Variants in RHBDF1 observed in about 807,000 individuals in gnomAD.
The protein encoded by RHBDF1 is inactive rhomboid protein 1.
A neutral mutation model predicts 98.6 loss-of-function variants in RHBDF1; 80 were observed. That is an observed-to-expected ratio of 0.81 (90% CI 0.68 to 0.98). The LOEUF (loss-of-function observed/expected upper bound fraction) is 0.98. RHBDF1 is among the 50% of genes least tolerant of loss of function. The probability of loss-of-function intolerance (pLI) is 0.00; values close to 1 mark genes in which losing one functional copy is unlikely to be tolerated. For missense variants in RHBDF1, 1,116 were observed against 1,198.3 expected, an observed-to-expected ratio of 0.93 and a Z score of 1.01; for synonymous variants, 512 against 486.8, an observed-to-expected ratio of 1.05 and a Z score of -0.68.
At chr16:60,018 A>T (rs1897547664) in intron 13 of RHBDF1, 192 bp from the exon 14 acceptor site, 1 of 1,474,788 alleles carries the variant, frequency 6.8e-7, no homozygotes, top group Non-Finnish European at 9.0e-7. Context: ...TCAAGTCTCC[A>T]TCTAGTTCTC....
intron 13 of RHBDF1, 36 bp from the exon 14 acceptor site, chr16:59,862 TCCCCCAA>T: frequency 1.2e-6 from 2 of 1,613,470 alleles, no homozygotes; most frequent in Non-Finnish European, 1.7e-6. Context: ...AGTCAGGGCC[TCCCCCAA>T]CCTTTGGCCC....
At position 72,603 on chromosome 16, in the gene RHBDF1, G is replaced by GCCCGCCGGTCCGGCCCA; in HGVS notation, c.-116_-115insTGGGCCGGACCGGCGGG. On this transcript the variant is annotated 5_prime_UTR_variant, in exon 1 of 18. Transcript: ENST00000262316. The stretch of plus-strand genomic sequence containing the variant: ...GAGGGCCCGCGCCGAGTCCCCGCCC[G>GCCCGCCGGTCCGGCCCA]CCCGCCGGTCCGGCCCGCCCGGGAA... The GCCCGCCGGTCCGGCCCA allele has an allele frequency of 1.0e-6, 1 of 977,240 alleles. No individual in the cohort carries two copies. Among genetic ancestry groups the GCCCGCCGGTCCGGCCCA allele is most frequent in the Non-Finnish European group, 1.2e-6 (1 of 824,952 alleles). 60.5% of individuals were successfully genotyped at this position (977,240 alleles called of 1,614,324 possible).
Position 63,617 on chromosome 16 carries a change from G to C in RHBDF1, c.432C>G (p.Tyr144Ter). ...GCATGCCCAGCTGGCATGGCCCCAC[G>C]TAGAGTGGGGGTGGCGTCTCGGTGC... ...LTSTETPPPL[Y>*]VGPCQLGMQK... The change falls in exon 4 of 18, where the codon TAC (tyrosine) becomes TAG (stop). Residue 144 changes from tyrosine (Y) to a stop codon, truncating the protein, a stop_gained. Coordinates refer to ENST00000262316, the MANE Select transcript of RHBDF1 (RefSeq NM_022450.5). LOFTEE classifies it high-confidence loss of function. 6.3e-7 allele frequency: 1 copy of C among 1,582,358 alleles called. No individual in the cohort carries two copies. The highest frequency in any genetic ancestry group is 8.6e-7 in the Non-Finnish European group (1 of 1,164,212).
chr16:68,835 G>C (rs1041094416), intron 1 of RHBDF1, among the ~76,000 whole-genome samples: 16 of 152,204 alleles, frequency 1.1e-4, no homozygotes, highest in African/African-American at 3.9e-4. Flanking sequence ...GGGGATGTCT[G>C]GGCACCCATC....
At chr16:66,022 T>C (rs928922788) in intron 1 of RHBDF1, among the ~76,000 whole-genome samples, 1 of 152,208 alleles carries the variant, frequency 6.6e-6, no homozygotes, top group Admixed American at 6.5e-5. Flanking sequence ...GCCATATGAC[T>C]ACGACTCCAT....
chr16:67,362 G>T (rs1354910427), intron 1 of RHBDF1, among the ~76,000 whole-genome samples: 1 of 152,224 alleles, frequency 6.6e-6, no homozygotes, highest in Non-Finnish European at 1.5e-5. Context: ...CCAGGAATCA[G>T]CAGGCTGAAT....
upstream of RHBDF1, among the ~76,000 whole-genome samples, chr16:73,365 C>T (rs2858052): frequency 0.033 from 4,963 of 152,230 alleles, 246 homozygotes; most frequent in African/African-American, 0.11. Flanking sequence ...CGGCCCCACC[C>T]GAAGCCACTC....
chr16:64,292 T>G (rs1294468853), intron 3 of RHBDF1: 6 of 1,335,282 alleles, frequency 4.5e-6, no homozygotes, highest in Non-Finnish European at 4.0e-6. Flanking sequence ...GCCAAGCACA[T>G]GCCAGAAAAC....
At chr16:66,882 G>A (rs968786046) in intron 1 of RHBDF1, among the ~76,000 whole-genome samples, 3 of 152,198 alleles carry the variant, frequency 2.0e-5, no homozygotes, top group African/African-American at 7.2e-5. Context: ...GTGCAACAGG[G>A]TCGGACAGAA....
chr16:76,329 G>C (rs34584549), upstream of RHBDF1: 1 of 151,972 alleles, frequency 6.6e-6, no homozygotes, highest in African/African-American at 2.4e-5. Flanking sequence ...TCATCCCACC[G>C]CTTCCAGCCT....
rs1303357085 is a variant in RHBDF1 at position 62,875 on chromosome 16, G to A, written c.695C>T (p.Thr232Ile). Residue 232 changes from threonine (T) to isoleucine (I), a missense_variant, in exon 6 of 18, where the codon ACC (threonine) becomes ATC (isoleucine). Transcript: ENST00000262316. ...GCTTCGACGCTGTGCCCGGCGAAAG[G>A]TGCCATCCCTAACGGAGCGGCCCTG... is the stretch of plus-strand genomic sequence containing the variant. ...LMKGRSVRDG[T>I]FRRAQRRSFT... 5 of 1,613,908 alleles carry A rather than the reference G, an allele frequency of 3.1e-6. No homozygotes were observed. The highest frequency in any genetic ancestry group is 4.2e-6 in the Non-Finnish European group (5 of 1,179,974).
intron 14 of RHBDF1, 114 bp downstream of exon 14, chr16:59,618 A>G: frequency 6.7e-7 from 1 of 1,486,254 alleles, no homozygotes; most frequent in East Asian, 2.4e-5. Flanking sequence ...ACCCCCTCTA[A>G]CCCCACATCC....
chr16:65,000 T>C lies in RHBDF1; in HGVS notation c.16A>G (p.Arg6Gly). The C allele has an allele frequency of 6.5e-7, 1 of 1,527,456 alleles. No individual in the cohort carries two copies. Among genetic ancestry groups the C allele is most frequent in the Non-Finnish European group, 8.8e-7 (1 of 1,136,406 alleles). The allele number at this position is 1,527,456 out of a possible 1,614,324, so 94.6% of individuals were successfully genotyped here. Residue 6 changes from arginine to glycine, a missense_variant, in exon 2 of 18, where the codon AGG becomes GGG. Physicochemically the swap from Arg to Gly is moderately radical, Grantham distance 125. Coordinates refer to ENST00000262316, the MANE Select transcript of RHBDF1 (RefSeq NM_022450.5). MSEAR[R>G]DSTSSLQRKK... is the part of the protein sequence containing the mutation. Reference sequence around the variant, plus strand: ...CGCTGCAGGCTGCTCGTGCTGTCCCTGCGGGCCTCACTCATGGTTCCTGGC... The same window carrying C: ...CGCTGCAGGCTGCTCGTGCTGTCCCCGCGGGCCTCACTCATGGTTCCTGGC...
At chr16:71,001 G>A (rs1897953693) in intron 1 of RHBDF1, among the ~76,000 whole-genome samples, 1 of 152,252 alleles carries the variant, frequency 6.6e-6, no homozygotes, top group African/African-American at 2.4e-5. Flanking sequence ...TGGAGCCGGT[G>A]TGGCGGAGGC....
At position 63,223 on chromosome 16, in the gene RHBDF1, G is replaced by C. The variant is rs1035982121; in HGVS notation, c.463-41C>G. The C allele has an allele frequency of 2.0e-6, 3 of 1,481,152 alleles. No individual in the cohort carries two copies. In the South Asian group the frequency reaches 3.7e-5, roughly 18 times the overall value. 91.8% of individuals were successfully genotyped at this position (1,481,152 alleles called of 1,614,324 possible). On this transcript the variant is annotated intron_variant, in intron 4 of 17. Transcript: ENST00000262316. ...AGATGCTGGAGTCAGGACCATGGGG[G>C]CTCCTAGCTCACCCAGAGGCACAGA...
At chr16:68,423 C>T (rs560315301) in intron 1 of RHBDF1, among the ~76,000 whole-genome samples, 1 of 152,204 alleles carries the variant, frequency 6.6e-6, no homozygotes, top group African/African-American at 2.4e-5. Context: ...GCTCAGTGTC[C>T]AGGCCTTCCC....
rs1297814922 is a variant in RHBDF1 at position 58,325 on chromosome 16, G to A, written c.*15C>T. 3.7e-6 allele frequency: 6 copies of A among 1,602,822 alleles called. No homozygotes were observed. Among genetic ancestry groups the A allele is most frequent in the Non-Finnish European group, 4.3e-6 (5 of 1,173,842 alleles). On this transcript the variant is annotated 3_prime_UTR_variant, in exon 18 of 18. Transcript: ENST00000262316. ...GGCCTGCTGGAGCACACGGCCGCTG[G>A]AGCCCGCAGCCAGCTCAGTGGAGCT...
At chr16:63,266 G>A (rs1321934923) in intron 4 of RHBDF1, 84 bp from the exon 5 acceptor site, 11 of 1,183,122 alleles carry the variant, frequency 9.3e-6, no homozygotes, top group Middle Eastern at 2.9e-4. Flanking sequence ...CAAAGACAGC[G>A]TGACTGCTGC....
Position 61,967 on chromosome 16 carries a change from T to G in RHBDF1, c.1039A>C (p.Thr347Pro). 6.3e-7 allele frequency: 1 copy of G among 1,591,858 alleles called. No homozygotes were observed. The highest frequency in any genetic ancestry group is 2.3e-5 in the East Asian group (1 of 44,334). Residue 347 changes from threonine (T) to proline (P), a missense_variant, in exon 8 of 18, where the codon ACC becomes CCC. Thr to Pro is a conservative substitution (Grantham distance 38). Transcript: ENST00000262316. ...CGCTGGCCCCGTCGCGGCCCCGCGG[T>G]GCTCACCACCTCCTGTCGGAGCCGC... ...KVRLRQEVVS[T>P]AGPRRGQRIA...
Sources: gnomAD v4.1 joint callset for allele counts (sites outside exome capture counted in the v4.1 genomes callset) on GRCh38, gnomAD v4.1.1 for gene constraint, MANE v1.5 for transcripts, NCBI Gene and HGNC (gene_info 2026-07-23, HGNC 2026-07-21) for gene names.